Variants in ITGB5 observed in about 807,000 individuals in gnomAD.
ITGB5 encodes integrin subunit beta 5.
ITGB5 carries 38 observed loss-of-function variants against 84.8 expected under a neutral mutation model. The observed-to-expected ratio is 0.45, with a 90% CI of 0.35 to 0.59. ITGB5 has a LOEUF of 0.59. Ranked by LOEUF, ITGB5 falls within the 20% of genes least tolerant of loss-of-function variation. The pLI is 0.01. For missense variants in ITGB5, 905 were observed against 1,034.5 expected (o/e 0.87, Z 1.72); for synonymous variants, 393 against 414.4 (o/e 0.95, Z 0.63).
At chr3:124,800,588 G>A (rs1402688034) in intron 9 of ITGB5, among the ~76,000 whole-genome samples, 2 of 149,362 alleles carry the variant, frequency 1.3e-5, no homozygotes, top group African/African-American at 4.9e-5. Flanking sequence ...CTGGCCCTGT[G>A]CAGCCTGGAG....
At chr3:124,772,645 G>C (rs908589165) in intron 11 of ITGB5, among the ~76,000 whole-genome samples, 5 of 152,184 alleles carry the variant, frequency 3.3e-5, no homozygotes, top group African/African-American at 1.2e-4. Flanking sequence ...TGTCACTCCT[G>C]CTTTCCAGGG....
intron 3 of ITGB5, among the ~76,000 whole-genome samples, chr3:124,858,020 G>A (rs1379866473): frequency 6.6e-6 from 1 of 151,772 alleles, no homozygotes; most frequent in Non-Finnish European, 1.5e-5. Flanking sequence ...TACACATCCA[G>A]CTATTAGGGA....
chr3:124,809,358 C>G, intron 8 of ITGB5: 1 of 560,612 alleles, frequency 1.8e-6, no homozygotes, highest in East Asian at 2.9e-5. Context: ...CTAGACCCAG[C>G]CTGAGGTCTC....
At chr3:124,801,775 G>C (rs566822253) in intron 9 of ITGB5, among the ~76,000 whole-genome samples, 2 of 152,308 alleles carry the variant, frequency 1.3e-5, no homozygotes, top group South Asian at 4.1e-4. Flanking sequence ...ACAATGGCCA[G>C]AATGGCCAGA....
At chr3:124,815,769 C>G (rs377043910) in intron 8 of ITGB5, among the ~76,000 whole-genome samples, 2 of 152,348 alleles carry the variant, frequency 1.3e-5, no homozygotes, top group East Asian at 1.9e-4. Context: ...CATCCCAAAC[C>G]CTCTCTGGGT....
chr3:124,857,072 C>A (rs559135277), intron 3 of ITGB5, among the ~76,000 whole-genome samples: 1 of 152,348 alleles, frequency 6.6e-6, no homozygotes, highest in East Asian at 1.9e-4. Context: ...GCAGGGCCAA[C>A]TTACACTCTT....
chr3:124,864,096 CTTTTTTTTTTTTT>C (rs558311822), intron 2 of ITGB5, among the ~76,000 whole-genome samples: 4 of 45,528 alleles, frequency 8.8e-5, no homozygotes, highest in East Asian at 1.1e-3. Context: ...ACCTATATTT[CTTTTTTTTTTTTT>C]TTTTTTTTTT....
chr3:124,880,781 T>C (rs1397660553), intron 1 of ITGB5, among the ~76,000 whole-genome samples: 1 of 151,144 alleles, frequency 6.6e-6, no homozygotes, highest in African/African-American at 2.4e-5. Flanking sequence ...TACAAAAAAT[T>C]AGCCAGGCAT....
intron 11 of ITGB5, among the ~76,000 whole-genome samples, chr3:124,770,485 TATC>T (rs1164512477): frequency 1.3e-5 from 2 of 152,172 alleles, no homozygotes; most frequent in Non-Finnish European, 2.9e-5. Context: ...GTAGAGCCTT[TATC>T]ATCATCTGTT....
rs1205999435 is a variant in ITGB5 at position 124,809,034 on chromosome 3, C to T, written c.1251G>A (p.Lys417=). 2 of 1,614,104 alleles carry T rather than the reference C, an allele frequency of 1.2e-6. No homozygotes were observed. Among genetic ancestry groups the T allele is most frequent in the African/African-American group, 1.3e-5 (1 of 75,030 alleles). Residue 417 remains lysine, a synonymous_variant, in exon 9 of 15, where the codon AAG becomes AAA. Coordinates refer to ENST00000296181, the MANE Select transcript of ITGB5 (RefSeq NM_002213.5). ...YPGQRKCEGL[K]IGDTASFEVS... ...GGGTGAGACTTACCGTGTCCCCAATCTTCAGACCCTCACACTTCCTCTGAC... is the reference window on the plus strand; with the variant it reads ...GGGTGAGACTTACCGTGTCCCCAATTTTCAGACCCTCACACTTCCTCTGAC...
chr3:124,894,082 A>T (rs1353449598), intron 1 of ITGB5, among the ~76,000 whole-genome samples: 1 of 151,640 alleles, frequency 6.6e-6, no homozygotes, highest in Non-Finnish European at 1.5e-5. Flanking sequence ...GCTTTCATGA[A>T]TGATGTTAAC....
upstream of ITGB5, among the ~76,000 whole-genome samples, chr3:124,889,192 T>C (rs1934940001): frequency 6.6e-6 from 1 of 152,208 alleles, no homozygotes. Context: ...CCTCTGAGGC[T>C]CACCTGAGAC....
rs115069498 is a variant in ITGB5 at position 124,876,838 on chromosome 3, C to T, written c.71-3307G>A. ...AAAGCCATCCAGGGCCAAATGTGGA[C>T]GAAGAAGGTCTGAGAACACAACCTA... On this transcript the variant is annotated intron_variant, in intron 1 of 14. Transcript: ENST00000296181. Among the ~76,000 whole-genome samples the T allele has an allele frequency of 6.7e-3, 1,016 of 152,252 alleles. 20 individuals carry two copies. The highest frequency in any genetic ancestry group is 0.037 in the South Asian group (177 of 4,824).
chr3:124,769,314 A>C (rs2063809540), intron 11 of ITGB5: 1 of 550,792 alleles, frequency 1.8e-6, no homozygotes, highest in Non-Finnish European at 3.2e-6. Context: ...AGCCTGTGTG[A>C]GTTTAGTGGC....
chr3:124,822,722 G>A (rs1168045277), intron 5 of ITGB5, among the ~76,000 whole-genome samples: 1 of 152,180 alleles, frequency 6.6e-6, no homozygotes, highest in African/African-American at 2.4e-5. Context: ...TATTCATCCA[G>A]CATTCAATCA....
At chr3:124,807,316 G>A (rs546455807) in intron 9 of ITGB5, among the ~76,000 whole-genome samples, 31 of 152,244 alleles carry the variant, frequency 2.0e-4, no homozygotes, top group Non-Finnish European at 2.9e-4. Context: ...CTTGGGAGGC[G>A]GAGGCATGAG....
At chr3:124,808,876 G>T (rs1424776753) in intron 9 of ITGB5, 146 bp downstream of exon 9, 1 of 847,604 alleles carries the variant, frequency 1.2e-6, no homozygotes, top group Admixed American at 2.5e-5. Context: ...ATGCAAAACA[G>T]GCTTAGGAGA....
intron 5 of ITGB5, among the ~76,000 whole-genome samples, chr3:124,837,541 A>T (rs569008426): frequency 6.6e-6 from 1 of 152,374 alleles, no homozygotes; most frequent in Non-Finnish European, 1.5e-5. Context: ...CCTGCAGGGG[A>T]TAAATAAAGC....
Position 124,768,363 on chromosome 3 carries a change from T to C in ITGB5, c.2017+650A>G, listed in dbSNP as rs147515435. On this transcript the variant is annotated intron_variant, in intron 12 of 14. Transcript: ENST00000296181. ...TAACCATTCCCACTAATTCTGAATA[T>C]TTCCATCACCACAGAAAGAAATCCA... is the stretch of plus-strand genomic sequence containing the variant. Among the ~76,000 whole-genome samples the C allele has an allele frequency of 3.9e-3, 591 of 152,348 alleles. 5 individuals are homozygous for C. Among genetic ancestry groups the C allele is most frequent in the African/African-American group, 0.014 (566 of 41,592 alleles).
Sources: gnomAD v4.1 joint callset for allele counts (sites outside exome capture counted in the v4.1 genomes callset) on GRCh38, gnomAD v4.1.1 for gene constraint, MANE v1.5 for transcripts, NCBI Gene and HGNC (gene_info 2026-07-23, HGNC 2026-07-21) for gene names.